Variants in FAM135B observed in about 807,000 individuals in gnomAD.
FAM135B encodes protein FAM135B.
FAM135B carries 43 observed loss-of-function variants against 127.7 expected under a neutral mutation model. The ratio of observed to expected loss-of-function variants is 0.34; its 90% CI spans 0.26 to 0.43. FAM135B has a LOEUF of 0.43. Among genes scored for constraint, FAM135B ranks in the 20% least tolerant of loss-of-function variants. The probability of loss-of-function intolerance (pLI) is 1.00; values close to 1 mark genes in which losing one functional copy is unlikely to be tolerated. For synonymous variants in FAM135B, 670 were observed against 665.1 expected (o/e 1.01, Z -0.11); for missense variants, 1,558 against 1,725.6 (o/e 0.90, Z 1.72).
chr8:138,373,968 T>C (rs1467100215), intron 1 of FAM135B, among the ~76,000 whole-genome samples: 1 of 152,206 alleles, frequency 6.6e-6, no homozygotes, highest in Non-Finnish European at 1.5e-5. Context: ...TGTGGTCCTG[T>C]GATCTCGCCC....
At chr8:138,395,694 A>G (rs1484343373) in intron 1 of FAM135B, among the ~76,000 whole-genome samples, 2 of 152,216 alleles carry the variant, frequency 1.3e-5, no homozygotes, top group Non-Finnish European at 2.9e-5. Flanking sequence ...GTAAAAGAGG[A>G]TTGCCAATCT....
chr8:138,316,765 G>T (rs1233365368), intron 2 of FAM135B, among the ~76,000 whole-genome samples: 1 of 152,112 alleles, frequency 6.6e-6, no homozygotes, highest in African/African-American at 2.4e-5. Context: ...TAGATCACGA[G>T]ATCAGGAGAT....
intron 11 of FAM135B, 111 bp downstream of exon 11, chr8:138,177,236 G>C (rs1814556262): frequency 1.0e-6 from 1 of 955,144 alleles, no homozygotes; most frequent in Non-Finnish European, 1.6e-6. Flanking sequence ...AAGTGCAGAG[G>C]TGGGCAGACT....
chr8:138,495,268 G>T (rs1201207822), intron 1 of FAM135B, among the ~76,000 whole-genome samples: 2 of 152,210 alleles, frequency 1.3e-5, no homozygotes, highest in Non-Finnish European at 2.9e-5. Flanking sequence ...ATGAGAGAAA[G>T]AAGCCTCAGT....
intron 1 of FAM135B, among the ~76,000 whole-genome samples, chr8:138,397,471 C>T (rs1832915039): frequency 6.6e-6 from 1 of 152,174 alleles, no homozygotes; most frequent in South Asian, 2.1e-4. Context: ...ATACATTGTA[C>T]ACTTTAAATA....
chr8:138,155,883 T>A (rs1477530041), intron 12 of FAM135B, among the ~76,000 whole-genome samples: 1 of 152,128 alleles, frequency 6.6e-6, no homozygotes. Context: ...ATTAGACAGA[T>A]GAACGAGACA....
intron 2 of FAM135B, among the ~76,000 whole-genome samples, chr8:138,362,269 C>T (rs1407806207): frequency 7.1e-6 from 1 of 139,980 alleles, no homozygotes; most frequent in Non-Finnish European, 1.5e-5. Flanking sequence ...TCTCACCATC[C>T]CCCACCCCCA....
At chr8:138,164,428 G>A (rs913766902) in intron 12 of FAM135B, among the ~76,000 whole-genome samples, 6 of 152,122 alleles carry the variant, frequency 3.9e-5, no homozygotes, top group Admixed American at 1.3e-4. Flanking sequence ...AAGAGAGGCT[G>A]GTCCTAAAAT....
At chr8:138,245,552 A>G (rs1371712709) in intron 6 of FAM135B, among the ~76,000 whole-genome samples, 2 of 152,142 alleles carry the variant, frequency 1.3e-5, no homozygotes, top group Non-Finnish European at 2.9e-5. Context: ...CTCCCCTTCC[A>G]CCATGATTGT....
chr8:138,445,440 A>C (rs1341679905), intron 1 of FAM135B, among the ~76,000 whole-genome samples: 1 of 152,226 alleles, frequency 6.6e-6, no homozygotes, highest in Non-Finnish European at 1.5e-5. Context: ...CAGCACATCA[A>C]AAAGCTTATC....
intron 3 of FAM135B, among the ~76,000 whole-genome samples, chr8:138,290,872 C>G (rs1409341159): frequency 2.6e-5 from 4 of 152,136 alleles, no homozygotes; most frequent in Non-Finnish European, 4.4e-5. Context: ...CCTGCTATCC[C>G]TTGTTCTCAT....
chr8:138,374,178 G>T (rs1489944885), intron 1 of FAM135B, among the ~76,000 whole-genome samples: 1 of 152,086 alleles, frequency 6.6e-6, no homozygotes, highest in African/African-American at 2.4e-5. Context: ...TCTCTCTTTT[G>T]TACTCTGTCC....
chr8:138,384,309 G>C (rs1016722375), intron 1 of FAM135B, among the ~76,000 whole-genome samples: 2 of 152,186 alleles, frequency 1.3e-5, no homozygotes, highest in African/African-American at 4.8e-5. Flanking sequence ...TGGGAGGCTA[G>C]TGGTTGCCTA....
intron 12 of FAM135B, among the ~76,000 whole-genome samples, chr8:138,156,960 T>C (rs1818816865): frequency 6.6e-6 from 1 of 152,164 alleles, no homozygotes; most frequent in Non-Finnish European, 1.5e-5. Context: ...GCCAGCATCA[T>C]CCTGATACCA....
rs572014886 is a variant in FAM135B at position 138,484,649 on chromosome 8, C to T, written c.-20+12022G>A. Among the ~76,000 whole-genome samples the T allele has an allele frequency of 2.4e-3, 371 of 152,258 alleles. No homozygotes were observed. In the Middle Eastern group the frequency reaches 0.037, roughly 15 times the overall value. ...CCTTTTCCTCTCACGCACACCACTT[C>T]CTAATTCAATGTTAATCTGTCGCTG... On this transcript the variant is annotated intron_variant, in intron 1 of 19. Transcript: ENST00000395297.
At chr8:138,196,660 C>A (rs932684215) in intron 8 of FAM135B, among the ~76,000 whole-genome samples, 3 of 152,170 alleles carry the variant, frequency 2.0e-5, no homozygotes, top group African/African-American at 7.2e-5. Context: ...TCAATGTACC[C>A]AGCAGGGTTC....
chr8:138,338,442 G>A (rs1470663161), intron 2 of FAM135B, among the ~76,000 whole-genome samples: 1 of 151,962 alleles, frequency 6.6e-6, no homozygotes. Flanking sequence ...ATCAAAAAGT[G>A]GGCAAAGGAT....
intron 3 of FAM135B, among the ~76,000 whole-genome samples, chr8:138,266,954 G>T (rs1822988150): frequency 6.6e-6 from 1 of 152,020 alleles, no homozygotes; most frequent in Non-Finnish European, 1.5e-5. Context: ...TTCAATTGTG[G>T]TTACTTTCCT....
chr8:138,322,406 G>A (rs898635061), intron 2 of FAM135B, among the ~76,000 whole-genome samples: 4 of 152,144 alleles, frequency 2.6e-5, no homozygotes, highest in African/African-American at 9.7e-5. Context: ...AAAAGGCTGA[G>A]TCAATTTAGA....
Sources: gnomAD v4.1 joint callset for allele counts (sites outside exome capture counted in the v4.1 genomes callset) on GRCh38, gnomAD v4.1.1 for gene constraint, MANE v1.5 for transcripts, NCBI Gene and HGNC (gene_info 2026-07-23, HGNC 2026-07-21) for gene names.